EYS: variants seen among roughly 807,000 people sequenced by gnomAD.
The protein encoded by EYS is protein eyes shut homolog.
EYS carries 250 observed loss-of-function variants against 282.1 expected under a neutral mutation model. That is an observed-to-expected ratio of 0.89 (90% CI 0.80 to 0.98). The LOEUF is 0.98. Ranked by LOEUF, EYS falls within the 50% of genes least tolerant of loss-of-function variation. The pLI is 0.00. For synonymous variants in EYS, 1,355 were observed against 1,282.9 expected, an observed-to-expected ratio of 1.06 and a Z score of -1.20; for missense variants, 4,016 against 3,709.0, an observed-to-expected ratio of 1.08 and a Z score of -2.15.
intron 36 of EYS, among the ~76,000 whole-genome samples, chr6:63,842,933 G>A (rs1771999521): frequency 6.6e-6 from 1 of 152,034 alleles, no homozygotes; most frequent in Non-Finnish European, 1.5e-5. Context: ...GTGGTGTTAT[G>A]TCTGAGGACT....
intron 35 of EYS, among the ~76,000 whole-genome samples, chr6:63,894,057 C>G (rs1773473360): frequency 6.6e-6 from 1 of 152,138 alleles, no homozygotes; most frequent in Non-Finnish European, 1.5e-5. Flanking sequence ...TCCCATCTGC[C>G]TAGAGCCCTT....
chr6:65,688,460 G>C (rs1477805605), intron 1 of EYS, among the ~76,000 whole-genome samples: 2 of 152,072 alleles, frequency 1.3e-5, no homozygotes, highest in Non-Finnish European at 2.9e-5. Context: ...CTAAATGTTA[G>C]ACCTAAAACC....
At chr6:63,948,338 T>C (rs1220730587) in intron 35 of EYS, among the ~76,000 whole-genome samples, 1 of 152,242 alleles carries the variant, frequency 6.6e-6, no homozygotes, top group Non-Finnish European at 1.5e-5. Flanking sequence ...TGTGCACTTA[T>C]CTTTGCCTTT....
chr6:65,385,662 C>G (rs1237269112), intron 7 of EYS, among the ~76,000 whole-genome samples: 1 of 151,878 alleles, frequency 6.6e-6, no homozygotes, highest in Admixed American at 6.6e-5. Context: ...GGCCATATTA[C>G]TTACAAATTT....
intron 32 of EYS, 131 bp from the exon 33 acceptor site, chr6:64,066,622 A>C: frequency 3.1e-6 from 2 of 639,034 alleles, no homozygotes; most frequent in Non-Finnish European, 5.3e-6. Flanking sequence ...TTAGATAATT[A>C]TTCAGTGTAA....
chr6:64,447,628 G>T (rs149265165), intron 26 of EYS, among the ~76,000 whole-genome samples: 1,582 of 152,062 alleles, frequency 0.01, 18 homozygotes, highest in African/African-American at 0.029. Context: ...ATCATAAAAT[G>T]CCAAAAAAAG....
chr6:64,090,548 T>C (rs1310205919), intron 31 of EYS, among the ~76,000 whole-genome samples: 2 of 152,182 alleles, frequency 1.3e-5, no homozygotes, highest in African/African-American at 2.4e-5. Context: ...TGACTCACCA[T>C]GTGACAGCTG....
intron 5 of EYS, among the ~76,000 whole-genome samples, chr6:65,412,539 G>C (rs1767061863): frequency 6.6e-6 from 1 of 152,086 alleles, no homozygotes; most frequent in Non-Finnish European, 1.5e-5. Flanking sequence ...TAGGTATGTA[G>C]CAACATATTA....
chr6:64,802,017 C>CTTTTTCTT (rs1764248669), intron 22 of EYS, among the ~76,000 whole-genome samples: 56 of 57,638 alleles, frequency 9.7e-4, no homozygotes, highest in African/African-American at 3.7e-3. Context: ...TAACAAATTT[C>CTTTTTCTT]TTTTTCTTTT....
In EYS at chr6:64,552,736, A is replaced by AC. The variant is rs533975424; in HGVS notation, c.5644+37486dup. On this transcript the variant is annotated intron_variant, in intron 26 of 42. Coordinates refer to ENST00000503581, the MANE Select transcript of EYS (RefSeq NM_001142800.2). Reference sequence around the variant, plus strand: ...GAGGCCAGCCTGGCCAACATGGTGAACCCCCCCCACCATCTCTACTAAACA... The same window carrying AC: ...GAGGCCAGCCTGGCCAACATGGTGAACCCCCCCCCACCATCTCTACTAAACA... Among the ~76,000 whole-genome samples the AC allele has an allele frequency of 3.3e-3, 470 of 143,632 alleles. 1 individual carries two copies. Among genetic ancestry groups the AC allele is most frequent in the African/African-American group, 5.8e-3 (226 of 39,176 alleles). 94.2% of individuals were successfully genotyped at this position (143,632 alleles called of 152,430 possible). A position where few individuals can be genotyped will look rare whatever the true frequency, so the allele number is the denominator to read the frequency against.
chr6:63,974,243 A>T (rs1766724907), intron 35 of EYS, among the ~76,000 whole-genome samples: 1 of 152,050 alleles, frequency 6.6e-6, no homozygotes, highest in Non-Finnish European at 1.5e-5. Context: ...TTGGTGCATG[A>T]ATTCAATCTA....
chr6:64,172,399 C>G (rs746821406), intron 31 of EYS, among the ~76,000 whole-genome samples: 1 of 152,128 alleles, frequency 6.6e-6, no homozygotes, highest in Non-Finnish European at 1.5e-5. Context: ...GCCCCTAGCC[C>G]CTGGAAACCA....
chr6:64,991,081 T>C (rs1180396625), intron 14 of EYS, among the ~76,000 whole-genome samples: 1 of 151,568 alleles, frequency 6.6e-6, no homozygotes, highest in East Asian at 1.9e-4. Flanking sequence ...AAGTTCTATT[T>C]TAGTCTTACA....
intron 28 of EYS, among the ~76,000 whole-genome samples, chr6:64,391,143 G>A (rs1408960319): frequency 1.9e-4 from 29 of 151,528 alleles, no homozygotes; most frequent in African/African-American, 5.8e-4. Context: ...CCAAATCTAC[G>A]ACTGATTGGT....
chr6:65,466,405 A>AT (rs1343004356), intron 5 of EYS, among the ~76,000 whole-genome samples: 2 of 152,156 alleles, frequency 1.3e-5, no homozygotes, highest in East Asian at 3.8e-4. Flanking sequence ...AATATGTACC[A>AT]TTTATTAGAA....
chr6:64,444,954 T>A (rs1334973294), intron 26 of EYS, among the ~76,000 whole-genome samples: 1 of 152,228 alleles, frequency 6.6e-6, no homozygotes, highest in Non-Finnish European at 1.5e-5. Context: ...GCTGAGGAGA[T>A]GTTGGTGCTA....
At chr6:64,382,464 C>T (rs945220100) in intron 29 of EYS, among the ~76,000 whole-genome samples, 1 of 152,198 alleles carries the variant, frequency 6.6e-6, no homozygotes, top group African/African-American at 2.4e-5. Flanking sequence ...ATGACCCTCA[C>T]CTCCATTTAG....
intron 26 of EYS, among the ~76,000 whole-genome samples, chr6:64,459,459 G>A (rs917357312): frequency 1.3e-5 from 2 of 152,108 alleles, no homozygotes; most frequent in Non-Finnish European, 2.9e-5. Context: ...GATTTTATTA[G>A]GAGAATTAAC....
chr6:63,743,065 G>T (rs971888124), intron 41 of EYS, among the ~76,000 whole-genome samples: 1 of 151,984 alleles, frequency 6.6e-6, no homozygotes, highest in Non-Finnish European at 1.5e-5. Context: ...TTCTATAGCG[G>T]CTATACCATC....
Sources: allele counts gnomAD v4.1 joint callset (sites outside exome capture counted in the v4.1 genomes callset), GRCh38; gene constraint gnomAD v4.1.1; transcripts MANE v1.5; gene names NCBI Gene and HGNC (gene_info 2026-07-23, HGNC 2026-07-21).